Variants in OPA3 observed in about 807,000 individuals in gnomAD.
OPA3 encodes the protein outer mitochondrial membrane lipid metabolism regulator OPA3.
Under a neutral mutation model 4.0 loss-of-function variants are expected in OPA3, and 6 were observed. The ratio of observed to expected loss-of-function variants is 1.51; its 90% CI spans 0.83 to 2.99. The LOEUF is 2.99. Among genes scored for constraint, OPA3 ranks in the 30% most tolerant of loss-of-function variants. OPA3 has a pLI of 0.00. For missense variants in OPA3, 235 were observed against 256.2 expected, an observed-to-expected ratio of 0.92 and a Z score of 0.56; for synonymous variants, 105 against 117.1, an observed-to-expected ratio of 0.90 and a Z score of 0.67.
At chr19:45,560,098 A>G (rs1423789081) in intron 1 of OPA3, among the ~76,000 whole-genome samples, 4 of 152,146 alleles carry the variant, frequency 2.6e-5, no homozygotes, top group African/African-American at 9.7e-5. Context: ...CTGGAAGTAC[A>G]TCCTACCCAC....
Position 45,546,479 on chromosome 19 carries a change from G to A in OPA3, c.*7035C>T, listed in dbSNP as rs1046789695. 7 of 604,294 alleles carry A rather than the reference G, an allele frequency of 1.2e-5. No individual in the cohort carries two copies. The highest frequency in any genetic ancestry group is 1.4e-5 in the Non-Finnish European group (7 of 483,518). The allele number at this position is 604,294 out of a possible 1,614,324, so 37.4% of individuals were successfully genotyped here. On this transcript the variant is annotated 3_prime_UTR_variant, in exon 2 of 2. Transcript: ENST00000263275. The stretch of plus-strand genomic sequence containing the variant: ...TAAATTATTGTATAAATATGCACAC[G>A]ATGGATTACATAAACTCTGCTTTTT...
intron 1 of OPA3, among the ~76,000 whole-genome samples, chr19:45,531,480 A>G (rs1327054474): frequency 6.6e-6 from 1 of 152,166 alleles, no homozygotes; most frequent in Non-Finnish European, 1.5e-5. Context: ...TGGACACACT[A>G]GCTGTTCTCT....
chr19:45,544,507 A>C (rs1969222372), downstream of OPA3, among the ~76,000 whole-genome samples: 3 of 148,704 alleles, frequency 2.0e-5, no homozygotes, highest in South Asian at 6.4e-4. Flanking sequence ...TAAAAATACA[A>C]AATTCGGCTG....
chr19:45,582,849 C>T (rs1323331641), intron 1 of OPA3, among the ~76,000 whole-genome samples: 1 of 152,124 alleles, frequency 6.6e-6, no homozygotes, highest in Non-Finnish European at 1.5e-5. Context: ...AATCTTGTGG[C>T]TAATGTTAGT....
chr19:45,561,998 G>A (rs577915302), intron 1 of OPA3, among the ~76,000 whole-genome samples: 2 of 151,270 alleles, frequency 1.3e-5, no homozygotes, highest in Non-Finnish European at 1.5e-5. Flanking sequence ...ATGAAAGATG[G>A]GGAAGAAATA....
At chr19:45,569,414 G>A (rs576568489) in intron 1 of OPA3, among the ~76,000 whole-genome samples, 6 of 152,206 alleles carry the variant, frequency 3.9e-5, no homozygotes, top group East Asian at 1.9e-4. Context: ...AGCCGAGATC[G>A]CGCCACTGCA....
At chr19:45,528,964 G>A (rs749610366) in exon 2 of OPA3, 3 of 1,442,094 alleles carry the variant, frequency 2.1e-6, no homozygotes, top group South Asian at 2.7e-5. Context: ...CAGCTGGGCC[G>A]GTCCAGGATG....
chr19:45,540,028 G>A (rs1969165986), intron 1 of OPA3, among the ~76,000 whole-genome samples: 1 of 152,020 alleles, frequency 6.6e-6, no homozygotes, highest in South Asian at 2.1e-4. Flanking sequence ...CTTAAAATGG[G>A]TGAGTTTCGG....
chr19:45,532,126 C>T (rs541115413), intron 1 of OPA3, among the ~76,000 whole-genome samples: 1 of 152,282 alleles, frequency 6.6e-6, no homozygotes, highest in African/African-American at 2.4e-5. Flanking sequence ...CACAAGTGGT[C>T]AGCCTTATCC....
At chr19:45,537,302 G>A (rs571415165) in intron 1 of OPA3, among the ~76,000 whole-genome samples, 6 of 144,226 alleles carry the variant, frequency 4.2e-5, no homozygotes, top group East Asian at 4.4e-4. Context: ...CAGGCTGAGC[G>A]AGGAGGATCA....
intron 1 of OPA3, among the ~76,000 whole-genome samples, chr19:45,533,465 A>T (rs563416081): frequency 1.7e-3 from 260 of 152,344 alleles, no homozygotes; most frequent in African/African-American, 5.7e-3. Flanking sequence ...GAGTGCTGGG[A>T]TTACATGCGT....
intron 1 of OPA3, among the ~76,000 whole-genome samples, chr19:45,564,462 G>C (rs1038002461): frequency 1.3e-5 from 2 of 152,190 alleles, no homozygotes; most frequent in Admixed American, 1.3e-4. Context: ...AACAGCCCAG[G>C]GGGCAAGTGC....
In OPA3 at chr19:45,548,216, C is replaced by T. The variant is rs1454577554; in HGVS notation, c.*5298G>A. ...CCAAGCCTGCCACTCAGCAACACAG[C>T]GACCAGCCCAGGAGTAGCTCCGTGA... On this transcript the variant is annotated 3_prime_UTR_variant, in exon 2 of 2. Transcript: ENST00000263275. The T allele has an allele frequency of 5.1e-5, 50 of 985,970 alleles. No homozygotes were observed. Among genetic ancestry groups the T allele is most frequent in the Middle Eastern group, 5.2e-4 (1 of 1,918 alleles). 61.1% of individuals were successfully genotyped at this position (985,970 alleles called of 1,614,324 possible). A position where few individuals can be genotyped will look rare whatever the true frequency, so the allele number is the denominator to read the frequency against.
chr19:45,528,984 G>T, exon 2 of OPA3: 2 of 1,517,936 alleles, frequency 1.3e-6, no homozygotes, highest in Non-Finnish European at 1.8e-6. Context: ...GGGACAGTGC[G>T]GAGAATAGGC....
chr19:45,558,278 G>A (rs1345482450), intron 1 of OPA3, among the ~76,000 whole-genome samples: 1 of 152,066 alleles, frequency 6.6e-6, no homozygotes, highest in Admixed American at 6.6e-5. Context: ...GTTGCCGTGA[G>A]CCAAGACCAC....
At chr19:45,534,694 G>A (rs553077960) in intron 1 of OPA3, among the ~76,000 whole-genome samples, 33 of 150,988 alleles carry the variant, frequency 2.2e-4, no homozygotes, top group African/African-American at 6.3e-4. Flanking sequence ...GTGCAGTGGC[G>A]TGATCTCAGC....
At chr19:45,533,546 G>A (rs1257519794) in intron 1 of OPA3, among the ~76,000 whole-genome samples, 1 of 152,166 alleles carries the variant, frequency 6.6e-6, no homozygotes, top group Admixed American at 6.5e-5. Context: ...ACAGATGTAC[G>A]TTGTTTCCTT....
exon 2 of OPA3, chr19:45,529,272 G>A: frequency 6.2e-7 from 1 of 1,614,006 alleles, no homozygotes; most frequent in Non-Finnish European, 8.5e-7. Flanking sequence ...TTTCCTTGCG[G>A]CGCTGCTGCA....
At chr19:45,530,821 G>C (rs1969051207) in intron 1 of OPA3, among the ~76,000 whole-genome samples, 1 of 151,286 alleles carries the variant, frequency 6.6e-6, no homozygotes, top group African/African-American at 2.4e-5. Flanking sequence ...GAGTGCAGTG[G>C]TGTGATCTTG....
Sources: gnomAD v4.1 joint callset for allele counts (sites outside exome capture counted in the v4.1 genomes callset) on GRCh38, gnomAD v4.1.1 for gene constraint, MANE v1.5 for transcripts, NCBI Gene and HGNC (gene_info 2026-07-23, HGNC 2026-07-21) for gene names.